Variants in SEC16A observed in about 807,000 individuals in gnomAD.
The protein encoded by SEC16A is SEC16 homolog A, endoplasmic reticulum export factor.
SEC16A carries 110 observed loss-of-function variants against 221.9 expected under a neutral mutation model. The ratio of observed to expected loss-of-function variants is 0.50; its 90% confidence interval spans 0.42 to 0.58. The LOEUF (loss-of-function observed/expected upper bound fraction) is 0.58, where lower values mean the gene tolerates loss of function less well. Among genes scored for constraint, SEC16A ranks in the 20% least tolerant of loss-of-function variants. The pLI is 0.00. For missense variants in SEC16A, 3,165 were observed against 3,097.8 expected (o/e 1.02, Z -0.52); for synonymous variants, 1,393 against 1,257.7 (o/e 1.11, Z -2.28).
In SEC16A at chr9:136,474,085, G is replaced by C; in HGVS notation, c.3531C>G (p.Tyr1177Ter). Residue 1177 changes from tyrosine (Y) to a stop codon, truncating the protein, a stop_gained, in exon 3 of 32, where the codon TAC becomes TAG. Transcript: ENST00000684901. LOFTEE classifies it high-confidence loss of function. ...GGGAGGCTGCGCCAGGCTCCGGTGG[G>C]TACGGCAAAGAGTACTGAGGCTGGT... is the stretch of plus-strand genomic sequence containing the variant. The part of the protein sequence containing the change: ...DAYQPQYSLP[Y>*]PPEPGAASLY... 1 of 1,611,794 alleles carries C rather than the reference G, an allele frequency of 6.2e-7. No homozygotes were observed. Among genetic ancestry groups the C allele is most frequent in the Non-Finnish European group, 8.5e-7 (1 of 1,179,014 alleles).
chr9:136,441,730 A>G lies in SEC16A; in HGVS notation c.*25T>C. 2.5e-6 allele frequency: 4 copies of G among 1,610,900 alleles called. No individual in the cohort carries two copies. The highest frequency in any genetic ancestry group is 2.5e-6 in the Non-Finnish European group (3 of 1,177,634). On this transcript the variant is annotated 3_prime_UTR_variant, in exon 32 of 32. Transcript: ENST00000684901. Reference sequence around the variant, plus strand: ...GGAGAACAGCAGCGTCAGGGCTCCAAGTGCAAGTTCACAGCAGGGCAAGCC... The same window carrying G: ...GGAGAACAGCAGCGTCAGGGCTCCAGGTGCAAGTTCACAGCAGGGCAAGCC...
chr9:136,453,329 G>T, intron 22 of SEC16A, 99 bp downstream of exon 22: 1 of 818,878 alleles, frequency 1.2e-6, no homozygotes. Context: ...CAATTTCATA[G>T]TCCTCACTAC....
At chr9:136,472,667 G>A (rs1588989825) in intron 3 of SEC16A, among the ~76,000 whole-genome samples, 3 of 152,276 alleles carry the variant, frequency 2.0e-5, no homozygotes, top group East Asian at 1.9e-4. Flanking sequence ...CAACCAATTC[G>A]TGGCCACAGA....
chr9:136,462,243 G>A (rs1214528002), intron 12 of SEC16A, among the ~76,000 whole-genome samples: 1 of 152,096 alleles, frequency 6.6e-6, no homozygotes, highest in African/African-American at 2.4e-5. Flanking sequence ...TCTGAGACTG[G>A]CCTCTCTCCT....
chr9:136,442,930 C>T (rs965148888), intron 31 of SEC16A, among the ~76,000 whole-genome samples: 1 of 152,146 alleles, frequency 6.6e-6, no homozygotes, highest in African/African-American at 2.4e-5. Flanking sequence ...AAAAAACATA[C>T]AAAAAAAGCA....
chr9:136,448,480 G>T (rs1180963386), intron 23 of SEC16A: 2 of 710,430 alleles, frequency 2.8e-6, no homozygotes, highest in Non-Finnish European at 5.2e-6. Flanking sequence ...GACACCAGGA[G>T]GATGGAGGTG....
intron 12 of SEC16A, 106 bp from the exon 13 acceptor site, chr9:136,461,380 C>A: frequency 1.3e-6 from 1 of 771,402 alleles, no homozygotes; most frequent in South Asian, 1.5e-5. Context: ...CACAAACAAC[C>A]CAAAGGCCTC....
Position 136,476,562 on chromosome 9 carries a change from C to G in SEC16A, c.1054G>C (p.Gly352Arg), listed in dbSNP as rs760610941. The G allele has an allele frequency of 2.5e-6, 4 of 1,610,512 alleles. No homozygotes were observed. In the African/African-American group the frequency reaches 5.3e-5, roughly 22 times the overall value. Residue 352 changes from glycine to arginine, a missense_variant, in exon 3 of 32, where the codon GGG (glycine) becomes CGG (arginine). By Grantham distance (125) the Gly-to-Arg change is moderately radical. Coordinates refer to ENST00000684901, the MANE Select transcript of SEC16A (RefSeq NM_014866.2). ...SPENRTHHPL[G>R]AGAGSGCAPL... is the part of the protein sequence containing the mutation. ...GCACAGCCAGACCCGGCCCCAGCCC[C>G]CAGTGGGTGGTGCGTACGGTTTTCT...
intron 1 of SEC16A, among the ~76,000 whole-genome samples, chr9:136,481,348 C>G (rs1589033446): frequency 2.0e-5 from 3 of 152,058 alleles, no homozygotes; most frequent in South Asian, 4.1e-4. Context: ...CCGTGTTAGC[C>G]AGGATGGTCT....
intron 8 of SEC16A, among the ~76,000 whole-genome samples, chr9:136,464,989 T>C (rs1839963079): frequency 6.6e-6 from 1 of 152,130 alleles, no homozygotes; most frequent in Non-Finnish European, 1.5e-5. Flanking sequence ...CCAGGCATAG[T>C]GGTGCATGCC....
chr9:136,483,796 G>T, upstream of SEC16A: 1 of 985,434 alleles, frequency 1.0e-6, no homozygotes, highest in African/African-American at 1.7e-5. Flanking sequence ...AGGGCAGGCG[G>T]CGGCGGCCGC....
At chr9:136,455,500 C>T (rs1392705128) in intron 20 of SEC16A, 101 bp downstream of exon 20, 9 of 1,149,332 alleles carry the variant, frequency 7.8e-6, no homozygotes, top group Admixed American at 2.6e-5. Context: ...CAACAGTCCA[C>T]ATCTGAAAGC....
At position 136,448,970 on chromosome 9, in the gene SEC16A, C is replaced by T. The variant is rs1199891148; in HGVS notation, c.6313-809G>A. Reference sequence around the variant, plus strand: ...ATGGCAACACAACAGTGTGAATGTACTTGGTGCCACAGAACTGTGCACTCA... The same window carrying T: ...ATGGCAACACAACAGTGTGAATGTATTTGGTGCCACAGAACTGTGCACTCA... On this transcript the variant is annotated intron_variant, in intron 23 of 31. Transcript: ENST00000684901. The T allele has an allele frequency of 4.7e-6, 3 of 633,676 alleles. No homozygotes were observed. In the African/African-American group the frequency reaches 5.5e-5, roughly 12 times the overall value. 39.3% of individuals were successfully genotyped at this position (633,676 alleles called of 1,614,324 possible).
chr9:136,483,819 A>C (rs1472835635), upstream of SEC16A: 2 of 984,318 alleles, frequency 2.0e-6, no homozygotes, highest in Non-Finnish European at 2.4e-6. Flanking sequence ...ATGCGCCGGG[A>C]GCGGCCGGAG....
chr9:136,453,822 G>A (rs562123993), intron 21 of SEC16A, among the ~76,000 whole-genome samples: 9 of 152,338 alleles, frequency 5.9e-5, no homozygotes, highest in African/African-American at 2.2e-4. Context: ...CAGCAGGGCC[G>A]TCTAAAGACA....
chr9:136,472,488 CT>C (rs1841010212), intron 3 of SEC16A, among the ~76,000 whole-genome samples: 1 of 152,242 alleles, frequency 6.6e-6, no homozygotes, highest in Admixed American at 6.5e-5. Context: ...TTTCTGCTTC[CT>C]GATAAGTCCA....
chr9:136,454,338 A>G lies in SEC16A; in HGVS notation c.5858-11T>C, dbSNP rs910958322. 1 of 1,562,116 alleles carries G rather than the reference A, an allele frequency of 6.4e-7. No homozygotes were observed. Among genetic ancestry groups the G allele is most frequent in the African/African-American group, 1.4e-5 (1 of 73,736 alleles). ...GGAGCGTCTGCGGAGCTGCATGGGAACGGTGGAGAAGAGGTCTGGGGTTAC... is the reference window on the plus strand; with the variant it reads ...GGAGCGTCTGCGGAGCTGCATGGGAGCGGTGGAGAAGAGGTCTGGGGTTAC... On this transcript the variant is annotated splice_polypyrimidine_tract_variant and intron_variant, in intron 20 of 31. Transcript: ENST00000684901.
chr9:136,463,409 AGAC>A, intron 11 of SEC16A, 51 bp downstream of exon 11: 1 of 1,592,596 alleles, frequency 6.3e-7, no homozygotes, highest in East Asian at 2.2e-5. Context: ...AGCATTCCCA[AGAC>A]GAAATGAAGA....
upstream of SEC16A, chr9:136,484,713 C>A: frequency 2.9e-6 from 4 of 1,366,674 alleles, no homozygotes; most frequent in Non-Finnish European, 3.9e-6. Flanking sequence ...GAGCTTCAGT[C>A]CGGCTGACGT....
Sources: gnomAD v4.1 joint callset for allele counts (sites outside exome capture counted in the v4.1 genomes callset) on GRCh38, gnomAD v4.1.1 for gene constraint, MANE v1.5 for transcripts, NCBI Gene and HGNC (gene_info 2026-07-23, HGNC 2026-07-21) for gene names.